Variants in CCDC192 observed in about 807,000 individuals in gnomAD.
CCDC192 encodes coiled-coil domain containing 192.
chr5:127,818,408 T>C (rs1283903762), intron 5 of CCDC192, among the ~76,000 whole-genome samples: 1 of 152,128 alleles, frequency 6.6e-6, no homozygotes, highest in African/African-American at 2.4e-5. Context: ...TGGGTTCTAC[T>C]CCTAGACATC....
At chr5:127,929,069 C>G (rs1753946488) in intron 6 of CCDC192, among the ~76,000 whole-genome samples, 1 of 152,054 alleles carries the variant, frequency 6.6e-6, no homozygotes, top group Non-Finnish European at 1.5e-5. Flanking sequence ...CCGGACTCAG[C>G]CATGTTATTC....
intron 6 of CCDC192, among the ~76,000 whole-genome samples, chr5:127,914,533 A>C (rs2127180798): frequency 6.6e-6 from 1 of 152,274 alleles, no homozygotes; most frequent in Non-Finnish European, 1.5e-5. Flanking sequence ...CCTATGAAAA[A>C]CTTAAATTTT....
Position 127,785,387 on chromosome 5 carries a change from A to G in CCDC192, c.223-11716A>G, listed in dbSNP as rs918337018. 7.1e-6 allele frequency: 3 copies of G among 420,316 alleles called. No homozygotes were observed. The Admixed American group carries it at 8.6e-5, about 12-fold the overall frequency. 26.0% of individuals were successfully genotyped at this position (420,316 alleles called of 1,614,324 possible). Reference sequence around the variant, plus strand: ...TTGTCAGGTGATTTTTGAATTGCTCATTCAGATCTTTGCTCACACCAGTGT... The same window carrying G: ...TTGTCAGGTGATTTTTGAATTGCTCGTTCAGATCTTTGCTCACACCAGTGT... On this transcript the variant is annotated intron_variant, in intron 3 of 6. Transcript: ENST00000514853.
intron 3 of CCDC192, chr5:127,785,826 T>C (rs114551214): frequency 7.4e-4 from 246 of 331,178 alleles, no homozygotes; most frequent in African/African-American, 5.2e-3. Flanking sequence ...GCCATCTTGG[T>C]AACCGCATTG....
At chr5:127,733,082 G>A (rs1290268262) in intron 2 of CCDC192, among the ~76,000 whole-genome samples, 1 of 152,132 alleles carries the variant, frequency 6.6e-6, no homozygotes, top group African/African-American at 2.4e-5. Flanking sequence ...TCTTTAGCTG[G>A]CAGGGGAGGA....
chr5:127,791,268 A>G (rs1756851511), intron 3 of CCDC192, among the ~76,000 whole-genome samples: 1 of 152,256 alleles, frequency 6.6e-6, no homozygotes, highest in Admixed American at 6.5e-5. Flanking sequence ...CAATAAAAGA[A>G]CACTATAAAG....
intron 3 of CCDC192, chr5:127,784,802 G>A: frequency 1.7e-5 from 8 of 481,618 alleles, no homozygotes; most frequent in Middle Eastern, 3.5e-4. Flanking sequence ...TCTCATGATG[G>A]CCATCTGAAT....
intron 6 of CCDC192, among the ~76,000 whole-genome samples, chr5:127,876,726 A>G (rs1490468451): frequency 6.6e-6 from 1 of 152,204 alleles, no homozygotes; most frequent in Non-Finnish European, 1.5e-5. Context: ...GCAATGCAGA[A>G]TCAAATGGAG....
At position 127,747,080 on chromosome 5, in the gene CCDC192, T is replaced by G. The variant is rs560536242; in HGVS notation, c.115-7188T>G. ...GAATGCAGTTCATTCTTTTTTTTTT[T>G]TATTTCTTGTTTCTTTTTTATTTAT... is the stretch of plus-strand genomic sequence containing the variant. On this transcript the variant is annotated intron_variant, in intron 2 of 6. Transcript: ENST00000514853. 7.9e-5 allele frequency among the ~76,000 whole-genome samples: 12 copies of G among 151,544 alleles called. No individual in the cohort carries two copies. The East Asian group carries it at 1.2e-3, about 15-fold the overall frequency.
At chr5:127,759,461 T>G (rs2126884968) in intron 3 of CCDC192, among the ~76,000 whole-genome samples, 1 of 150,572 alleles carries the variant, frequency 6.6e-6, no homozygotes, top group Middle Eastern at 3.5e-3. Flanking sequence ...AGCAAGAAGC[T>G]GCCATCTGTG....
At chr5:127,853,499 G>T in intron 5 of CCDC192, among the ~76,000 whole-genome samples, 1 of 152,236 alleles carries the variant, frequency 6.6e-6, no homozygotes, top group Admixed American at 6.5e-5. Context: ...GAGGCTGGGC[G>T]TGGTGGCTCA....
intron 3 of CCDC192, among the ~76,000 whole-genome samples, chr5:127,773,123 T>C (rs1489437170): frequency 6.6e-6 from 1 of 152,206 alleles, no homozygotes; most frequent in African/African-American, 2.4e-5. Flanking sequence ...TTTCAGGGTA[T>C]TGTGGAGTAC....
rs577981407 is a variant in CCDC192 at position 127,916,415 on chromosome 5, C to T, written c.536-24767C>T. Among the ~76,000 whole-genome samples, 13 of 152,312 alleles carry T rather than the reference C, an allele frequency of 8.5e-5. No homozygotes were observed. The South Asian group carries it at 2.7e-3, about 32-fold the overall frequency. On this transcript the variant is annotated intron_variant, in intron 6 of 6. Transcript: ENST00000514853. ...TTCCACAAATCACGAATGTTCTTTA[C>T]GGCATCTGGAATGGTGAATTATTTC...
At chr5:127,702,401 A>G (rs895663191), upstream of CCDC192, among the ~76,000 whole-genome samples, 3 of 152,178 alleles carry the variant, frequency 2.0e-5, no homozygotes, top group Non-Finnish European at 4.4e-5. Flanking sequence ...TGGCTTTTCT[A>G]TCCAGAACAA....
At chr5:127,937,503 G>A (rs1459386942) in intron 6 of CCDC192, among the ~76,000 whole-genome samples, 1 of 152,154 alleles carries the variant, frequency 6.6e-6, no homozygotes, top group Admixed American at 6.5e-5. Flanking sequence ...ATGTGAGGAC[G>A]CAGCATAAAG....
intron 3 of CCDC192, among the ~76,000 whole-genome samples, chr5:127,790,506 T>C (rs905462516): frequency 4.6e-5 from 7 of 152,216 alleles, no homozygotes; most frequent in Admixed American, 3.9e-4. Flanking sequence ...CACAATAAAT[T>C]ATTGTTAACC....
At chr5:127,907,475 A>G (rs930879251) in intron 6 of CCDC192, among the ~76,000 whole-genome samples, 2 of 152,108 alleles carry the variant, frequency 1.3e-5, no homozygotes, top group African/African-American at 4.8e-5. Context: ...TTAGATATAA[A>G]AAACTATTCT....
Position 127,797,112 on chromosome 5 carries a change from T to C in CCDC192, c.232T>C (p.Ser78Pro), listed in dbSNP as rs1757204765. The C allele has an allele frequency of 2.5e-6, 1 of 398,030 alleles. No individual in the cohort carries two copies. The highest frequency in any genetic ancestry group is 2.1e-5 in the African/African-American group (1 of 48,590). 24.7% of individuals were successfully genotyped at this position (398,030 alleles called of 1,614,324 possible). ...AKALSEQLSV[S>P]EGTKSKLLEQ... ...AAGAAAATATCTTTAGCTTTCAGTC[T>C]CTGAAGGAACAAAATCAAAACTGCT... The change falls in exon 4 of 7, where the codon TCT (serine) becomes CCT (proline). Residue 78 changes from serine (S) to proline (P), a missense_variant. Ser to Pro is a moderately conservative substitution (Grantham distance 74). Transcript: ENST00000514853.
At chr5:127,749,159 A>G (rs1482978323) in intron 2 of CCDC192, among the ~76,000 whole-genome samples, 1 of 151,724 alleles carries the variant, frequency 6.6e-6, no homozygotes, top group Non-Finnish European at 1.5e-5. Context: ...GTTGAATAGG[A>G]GTGGTGAGAG....
Sources: gnomAD v4.1 joint callset for allele counts (sites outside exome capture counted in the v4.1 genomes callset) on GRCh38, gnomAD v4.1.1 for gene constraint, MANE v1.5 for transcripts, NCBI Gene and HGNC (gene_info 2026-07-23, HGNC 2026-07-21) for gene names.